The following CDH11 variants were observed in gnomAD, a reference collection of about 807,000 sequenced individuals.
The protein encoded by CDH11 is cadherin-11.
In CDH11, 11 loss-of-function variants were observed where a neutral mutation model predicts 67.8. The ratio of observed to expected loss-of-function variants is 0.16; its 90% CI spans 0.10 to 0.27. The LOEUF is 0.27. Ranked by LOEUF, CDH11 falls within the 10% of genes least tolerant of loss-of-function variation. The pLI is 1.00. For missense variants in CDH11, 847 were observed against 1,031.2 expected, an observed-to-expected ratio of 0.82 and a Z score of 2.45; for synonymous variants, 419 against 400.0, an observed-to-expected ratio of 1.05 and a Z score of -0.57.
chr16:65,041,158 T>A (rs527563605), intron 2 of CDH11, among the ~76,000 whole-genome samples: 1 of 152,322 alleles, frequency 6.6e-6, no homozygotes, highest in East Asian at 1.9e-4. Flanking sequence ...ACACCTGACA[T>A]CTTCCTGGCC....
chr16:65,118,271 C>T (rs988023307), intron 1 of CDH11, among the ~76,000 whole-genome samples: 3 of 152,146 alleles, frequency 2.0e-5, no homozygotes, highest in Admixed American at 2.0e-4. Context: ...TCTAATTATG[C>T]TCCTCGAGTG....
intron 2 of CDH11, among the ~76,000 whole-genome samples, chr16:65,036,991 TA>T (rs1354004754): frequency 6.6e-6 from 1 of 152,140 alleles, no homozygotes; most frequent in African/African-American, 2.4e-5. Flanking sequence ...ACACTGAAAC[TA>T]AACATATACT....
At chr16:65,064,133 T>C (rs2074274391) in intron 1 of CDH11, among the ~76,000 whole-genome samples, 1 of 151,994 alleles carries the variant, frequency 6.6e-6, no homozygotes, top group South Asian at 2.1e-4. Context: ...GTCAAGATGG[T>C]CCTCAGAGAA....
intron 1 of CDH11, among the ~76,000 whole-genome samples, chr16:65,098,493 G>A (rs963007227): frequency 5.9e-5 from 9 of 151,790 alleles, no homozygotes; most frequent in African/African-American, 1.2e-4. Context: ...CTGGAGAATC[G>A]CAGATTGCAA....
At chr16:65,085,490 A>C (rs148507300) in intron 1 of CDH11, among the ~76,000 whole-genome samples, 1 of 152,350 alleles carries the variant, frequency 6.6e-6, no homozygotes, top group East Asian at 1.9e-4. Context: ...CCCCTTTTGT[A>C]AAACACAGCT....
chr16:64,971,650 C>T lies in CDH11; in HGVS notation c.1571G>A (p.Gly524Glu). 1 of 1,613,598 alleles carries T rather than the reference C, an allele frequency of 6.2e-7. No individual in the cohort carries two copies. The highest frequency in any genetic ancestry group is 1.1e-5 in the South Asian group (1 of 90,978). The change falls in exon 11 of 13, where the codon GGA becomes GAA. Residue 524 changes from glycine (G) to glutamate (E), a missense_variant. By Grantham distance (98) the Gly-to-Glu change is moderately conservative. Coordinates refer to ENST00000268603, the MANE Select transcript of CDH11 (RefSeq NM_001797.4). The stretch of plus-strand genomic sequence containing the variant: ...GGGTAGGCTGAAGATAAATCTTGGT[C>T]CATTGGCCGTGTCATCCTTGTCATC... The part of the protein sequence containing the change: ...SADDKDDTAN[G>E]PRFIFSLPPE...
intron 8 of CDH11, chr16:64,981,786 C>T: frequency 2.8e-6 from 1 of 351,242 alleles, no homozygotes. Flanking sequence ...ACAGGCCCAG[C>T]TCAGGGCTCC....
intron 7 of CDH11, chr16:64,984,732 G>A (rs951705546): frequency 3.3e-5 from 5 of 152,132 alleles, no homozygotes; most frequent in African/African-American, 2.4e-5. Flanking sequence ...ATAATGATTC[G>A]TCAATAGGAT....
In CDH11 at chr16:64,943,998, T is replaced by G. The variant is rs1009910569; in HGVS notation, c.*3605A>C. The stretch of plus-strand genomic sequence containing the variant: ...CTGCTTTCCATGGAAAAGGAACGTG[T>G]TTTTTTTTGTATCAGGAACCGAAAG... On this transcript the variant is annotated 3_prime_UTR_variant, in exon 13 of 13. Transcript: ENST00000268603. 3.1e-5 allele frequency: 7 copies of G among 225,910 alleles called. 1 individual carries two copies. Among genetic ancestry groups the G allele is most frequent in the Non-Finnish European group, 5.3e-5 (6 of 113,860 alleles). The allele number at this position is 225,910 out of a possible 1,614,324, so 14.0% of individuals were successfully genotyped here. A position where few individuals can be genotyped will look rare whatever the true frequency, so the allele number is the denominator to read the frequency against.
Position 65,121,012 on chromosome 16 carries a change from G to C in CDH11, c.-298+868C>G, listed in dbSNP as rs577968351. On this transcript the variant is annotated intron_variant, in intron 1 of 12. Coordinates refer to ENST00000268603, the MANE Select transcript of CDH11 (RefSeq NM_001797.4). The surrounding 1 kb of genome is among the most constrained non-coding windows in gnomAD (Gnocchi z 4.1). ...CGTTCCGGGGCAGAGCGCAGGGAGGGAGGCCGTGCGTGCCGGGAGCTAGAG... is the reference window on the plus strand; with the variant it reads ...CGTTCCGGGGCAGAGCGCAGGGAGGCAGGCCGTGCGTGCCGGGAGCTAGAG... Among the ~76,000 whole-genome samples, 14 of 152,328 alleles carry C rather than the reference G, an allele frequency of 9.2e-5. No individual in the cohort carries two copies. The East Asian group carries it at 2.7e-3, about 29-fold the overall frequency.
At chr16:65,034,149 G>A (rs752069342) in intron 2 of CDH11, among the ~76,000 whole-genome samples, 14 of 152,116 alleles carry the variant, frequency 9.2e-5, no homozygotes, top group Non-Finnish European at 1.6e-4. Context: ...CTAATTCTAC[G>A]TGGCTGATAT....
chr16:65,032,471 C>T (rs1361896410), intron 2 of CDH11, among the ~76,000 whole-genome samples: 2 of 151,814 alleles, frequency 1.3e-5, no homozygotes, highest in Non-Finnish European at 2.9e-5. Flanking sequence ...GCCTAGGTGA[C>T]AGGATGAGGA....
chr16:65,005,002 A>G lies in CDH11; in HGVS notation c.-133T>C, dbSNP rs2073017072. The G allele has an allele frequency of 7.1e-7, 1 of 1,415,218 alleles. No individual in the cohort carries two copies. Among genetic ancestry groups the G allele is most frequent in the African/African-American group, 1.5e-5 (1 of 68,530 alleles). 87.7% of individuals were successfully genotyped at this position (1,415,218 alleles called of 1,614,324 possible). A position where few individuals can be genotyped will look rare whatever the true frequency, so the allele number is the denominator to read the frequency against. On this transcript the variant is annotated 5_prime_UTR_variant, in exon 3 of 13. Transcript: ENST00000268603. ...TGGGATGGAATGTCTCTGCTGGTTG[A>G]GCTCATCACGTCAGGGCTGCCCACG...
In CDH11 at chr16:65,044,179, CAT is replaced by C. The variant is rs140884399; in HGVS notation, c.-173+9623_-173+9624del. On this transcript the variant is annotated intron_variant, in intron 2 of 12. Coordinates refer to ENST00000268603, the MANE Select transcript of CDH11 (RefSeq NM_001797.4). ...TTCCTGCGAAAGCCTGTTCACCACA[CAT>C]GAGTATGCATTCCACACACTCCAAT... 5.5e-3 allele frequency among the ~76,000 whole-genome samples: 830 copies of C among 152,272 alleles called. 9 individuals carry two copies. The highest frequency in any genetic ancestry group is 0.019 in the African/African-American group (782 of 41,562).
intron 2 of CDH11, among the ~76,000 whole-genome samples, chr16:65,039,406 G>A (rs1485198111): frequency 6.6e-6 from 1 of 152,082 alleles, no homozygotes; most frequent in Non-Finnish European, 1.5e-5. Context: ...AAATAATGCT[G>A]CATATCTACA....
intron 2 of CDH11, among the ~76,000 whole-genome samples, chr16:65,022,671 G>A (rs745740048): frequency 1.6e-4 from 25 of 152,222 alleles, no homozygotes; most frequent in Non-Finnish European, 2.1e-4. Context: ...TTCACCTTGG[G>A]TGGACCTCTA....
At chr16:64,997,350 C>T (rs538204691) in intron 4 of CDH11, among the ~76,000 whole-genome samples, 3 of 130,032 alleles carry the variant, frequency 2.3e-5, no homozygotes, top group Non-Finnish European at 5.1e-5. Context: ...CAAACCTGCA[C>T]ATGTACCCCC....
intron 11 of CDH11, among the ~76,000 whole-genome samples, chr16:64,959,118 A>G (rs551471412): frequency 6.6e-6 from 1 of 152,352 alleles, no homozygotes; most frequent in Admixed American, 6.5e-5. Context: ...TTAGGGAGCT[A>G]CACACCACTG....
chr16:65,006,667 CA>C (rs2073061648), intron 2 of CDH11, among the ~76,000 whole-genome samples: 1 of 152,220 alleles, frequency 6.6e-6, no homozygotes, highest in South Asian at 2.1e-4. Context: ...CTCAAGAAAC[CA>C]CTGATGGTTA....
Sources: gnomAD v4.1 joint callset for allele counts (sites outside exome capture counted in the v4.1 genomes callset) on GRCh38, gnomAD v4.1.1 for gene constraint, Gnocchi (gnomAD v3.1) non-coding constraint, MANE v1.5 for transcripts, NCBI Gene and HGNC (gene_info 2026-07-23, HGNC 2026-07-21) for gene names.